The following ACACA variants were observed in gnomAD, a reference collection of about 807,000 sequenced individuals.
ACACA encodes the protein acetyl-CoA carboxylase 1.
A neutral mutation model predicts 296.1 loss-of-function variants in ACACA; 103 were observed. That is an observed-to-expected ratio of 0.35 (90% CI 0.30 to 0.41). ACACA has a LOEUF of 0.41. ACACA is among the 10% of genes least tolerant of loss of function. The probability of loss-of-function intolerance (pLI) is 1.00; values close to 1 mark genes in which losing one functional copy is unlikely to be tolerated. For synonymous variants in ACACA, 953 were observed against 1,038.6 expected, an observed-to-expected ratio of 0.92 and a Z score of 1.58; for missense variants, 1,554 against 2,989.7, an observed-to-expected ratio of 0.52 and a Z score of 11.20.
chr17:37,362,629 T>G (rs2049444235), intron 1 of ACACA, among the ~76,000 whole-genome samples: 1 of 152,162 alleles, frequency 6.6e-6, no homozygotes, highest in Non-Finnish European at 1.5e-5. Context: ...ATATTTAGAT[T>G]AGGGCATCGT....
At chr17:37,244,802 C>G in intron 20 of ACACA, 68 bp from the exon 21 acceptor site, 1 of 1,596,530 alleles carries the variant, frequency 6.3e-7, no homozygotes, top group Admixed American at 1.7e-5. Flanking sequence ...CACCACTGCA[C>G]TTAAGAGTTA....
At chr17:37,307,786 T>A (rs1598449764) in intron 3 of ACACA, among the ~76,000 whole-genome samples, 1 of 151,972 alleles carries the variant, frequency 6.6e-6, no homozygotes, top group African/African-American at 2.4e-5. Context: ...TGGGGTTTCA[T>A]AATGTTGTCC....
intron 33 of ACACA, among the ~76,000 whole-genome samples, chr17:37,203,252 G>A (rs1043350930): frequency 5.9e-5 from 9 of 151,830 alleles, no homozygotes; most frequent in African/African-American, 1.5e-4. Flanking sequence ...GAGCCACTGC[G>A]CCTGGCTGAA....
chr17:37,209,978 A>T lies in ACACA; in HGVS notation c.3707+489T>A, dbSNP rs201331917. Reference sequence around the variant, plus strand: ...TAAAAACTGACTATCATAACATTTTAACACTTTAGAAAATTAACTAACAAA... The same window carrying T: ...TAAAAACTGACTATCATAACATTTTTACACTTTAGAAAATTAACTAACAAA... On this transcript the variant is annotated intron_variant, in intron 30 of 55. Coordinates refer to ENST00000616317, the MANE Select transcript of ACACA (RefSeq NM_198834.3). Among the ~76,000 whole-genome samples, 15 of 152,382 alleles carry T rather than the reference A, an allele frequency of 9.8e-5. No homozygotes were observed. The East Asian group carries it at 2.9e-3, about 29-fold the overall frequency.
At position 37,406,388 on chromosome 17, in the gene ACACA, C is replaced by A. The variant is rs1345325241; in HGVS notation, c.-89G>T. On this transcript the variant is annotated 5_prime_UTR_variant, in exon 1 of 56. An upstream start codon of the reference 5' UTR is lost. Transcript: ENST00000616317. ...GAAGACAATTTCGACGTTCCAGGAG[C>A]ATCTGATTGAAACGCACCCTCTTCA... 1 of 1,407,628 alleles carries A rather than the reference C, an allele frequency of 7.1e-7. No individual in the cohort carries two copies. The highest frequency in any genetic ancestry group is 1.4e-5 in the African/African-American group (1 of 70,784). 87.2% of individuals were successfully genotyped at this position (1,407,628 alleles called of 1,614,324 possible).
At chr17:37,381,079 T>C (rs1332570180) in intron 1 of ACACA, among the ~76,000 whole-genome samples, 1 of 152,070 alleles carries the variant, frequency 6.6e-6, no homozygotes, top group Non-Finnish European at 1.5e-5. Flanking sequence ...TAAGAATGTA[T>C]GAATGTGCAT....
chr17:37,336,857 C>CT (rs1342725383), intron 2 of ACACA, among the ~76,000 whole-genome samples: 1 of 152,138 alleles, frequency 6.6e-6, no homozygotes, highest in African/African-American at 2.4e-5. Flanking sequence ...ACCGTCAATA[C>CT]TTTAAAATGT....
At chr17:37,236,455 A>G (rs187876928) in intron 24 of ACACA, among the ~76,000 whole-genome samples, 2 of 152,266 alleles carry the variant, frequency 1.3e-5, no homozygotes, top group African/African-American at 4.8e-5. Context: ...ACATTAACAG[A>G]AAGAAAGCAA....
At chr17:37,260,306 T>A (rs1490639540) in intron 11 of ACACA, among the ~76,000 whole-genome samples, 123 of 95,960 alleles carry the variant, frequency 1.3e-3, no homozygotes, top group African/African-American at 6.9e-3. Context: ...ATTTTTTTTT[T>A]TTTTTTTTTT....
chr17:37,359,255 C>T, intron 1 of ACACA: 1 of 659,196 alleles, frequency 1.5e-6, no homozygotes, highest in Non-Finnish European at 1.9e-6. Context: ...CGACCCCGCT[C>T]CGGGCTGCGG....
chr17:37,089,012 C>T lies in ACACA; in HGVS notation c.6954G>A (p.Glu2318=), dbSNP rs1274812902. ...AEWLEKQLTE[E]DGVHSVIEEN... is the part of the protein sequence containing the mutation. ...CCTCTATTACCGAGTGAACACCATC[C>T]TCCTCTGTCAGCTGTTTCTCTAGCC... Residue 2318 remains glutamate (E), a synonymous_variant, in exon 55 of 56, where the codon GAG becomes GAA. Coordinates refer to ENST00000616317, the MANE Select transcript of ACACA (RefSeq NM_198834.3). 1.9e-6 allele frequency: 3 copies of T among 1,614,166 alleles called. No individual in the cohort carries two copies. The highest frequency in any genetic ancestry group is 3.3e-5 in the Admixed American group (2 of 60,028).
intron 48 of ACACA, 142 bp downstream of exon 48, chr17:37,125,556 C>T: frequency 1.2e-6 from 1 of 834,372 alleles, no homozygotes; most frequent in Non-Finnish European, 2.0e-6. Context: ...AATTATTTTG[C>T]CTTGGGCATG....
chr17:37,234,312 C>T (rs2080006268), intron 25 of ACACA, among the ~76,000 whole-genome samples: 1 of 152,152 alleles, frequency 6.6e-6, no homozygotes, highest in Non-Finnish European at 1.5e-5. Context: ...TGCAAGTCAT[C>T]TTTAAAAATC....
intron 9 of ACACA, among the ~76,000 whole-genome samples, chr17:37,273,460 T>G (rs976707676): frequency 6.6e-6 from 1 of 152,242 alleles, no homozygotes; most frequent in Non-Finnish European, 1.5e-5. Context: ...GTTCACTCCC[T>G]TGCTCCTCCC....
intron 39 of ACACA, among the ~76,000 whole-genome samples, chr17:37,181,625 C>T (rs1049804364): frequency 7.2e-5 from 11 of 152,024 alleles, no homozygotes; most frequent in African/African-American, 2.7e-4. Context: ...GAAGGCCAGG[C>T]GCAGTGGCTC....
chr17:37,184,280 T>G (rs1458188175), intron 39 of ACACA, among the ~76,000 whole-genome samples: 2 of 152,360 alleles, frequency 1.3e-5, no homozygotes, highest in East Asian at 1.9e-4. Context: ...CAATAGAGAC[T>G]TCTATTCTCA....
chr17:37,259,630 C>T, intron 11 of ACACA, 100 bp from the exon 12 acceptor site: 1 of 1,320,080 alleles, frequency 7.6e-7, no homozygotes, highest in South Asian at 1.2e-5. Context: ...TGTATAAGAG[C>T]CATCAAAAGC....
intron 29 of ACACA, among the ~76,000 whole-genome samples, chr17:37,215,507 C>A (rs2078942602): frequency 6.6e-6 from 1 of 152,110 alleles, no homozygotes; most frequent in Non-Finnish European, 1.5e-5. Flanking sequence ...TGCATAGGCA[C>A]AATTTATGGG....
chr17:37,256,499 C>A (rs533820880), intron 14 of ACACA, among the ~76,000 whole-genome samples: 3 of 152,172 alleles, frequency 2.0e-5, no homozygotes, highest in African/African-American at 7.2e-5. Context: ...ATAATACCAG[C>A]ACTTTGTGGG....
Sources: allele counts gnomAD v4.1 joint callset (sites outside exome capture counted in the v4.1 genomes callset), GRCh38; gene constraint gnomAD v4.1.1; transcripts MANE v1.5; gene names NCBI Gene and HGNC (gene_info 2026-07-23, HGNC 2026-07-21).